ADAMTSL1: variants seen among roughly 807,000 people sequenced by gnomAD.
ADAMTSL1 encodes the protein ADAMTS like 1.
ADAMTSL1 carries 126 observed loss-of-function variants against 201.8 expected under a neutral mutation model. That is an observed-to-expected ratio of 0.62 (90% CI 0.54 to 0.72). ADAMTSL1 has a LOEUF of 0.72. Among genes scored for constraint, ADAMTSL1 ranks in the 30% least tolerant of loss-of-function variants. The probability of loss-of-function intolerance (pLI) is 0.00; values close to 1 mark genes in which losing one functional copy is unlikely to be tolerated. For synonymous variants in ADAMTSL1, 1,121 were observed against 903.4 expected (o/e 1.24, Z -4.32); for missense variants, 2,679 against 2,277.8 (o/e 1.18, Z -3.59).
chr9:17,914,360 G>A (rs1196710180), intron 1 of ADAMTSL1, among the ~76,000 whole-genome samples: 4 of 152,160 alleles, frequency 2.6e-5, no homozygotes, highest in African/African-American at 9.7e-5. Context: ...TGCAAGGCTG[G>A]TTCAATATAC....
At chr9:18,849,785 C>T (rs1588231760) in intron 23 of ADAMTSL1, among the ~76,000 whole-genome samples, 1 of 152,260 alleles carries the variant, frequency 6.6e-6, no homozygotes, top group East Asian at 1.9e-4. Context: ...AGAGAAAATG[C>T]TTTGCTATTA....
chr9:18,251,412 T>G (rs1219293366), intron 2 of ADAMTSL1, among the ~76,000 whole-genome samples: 1 of 152,072 alleles, frequency 6.6e-6, no homozygotes, highest in Non-Finnish European at 1.5e-5. Flanking sequence ...TTTCTAAACT[T>G]CAAAAGGACA....
chr9:18,543,705 CA>C (rs1189168374), intron 3 of ADAMTSL1, among the ~76,000 whole-genome samples: 5 of 152,146 alleles, frequency 3.3e-5, no homozygotes, highest in African/African-American at 9.7e-5. Context: ...AAGAAATAAA[CA>C]TTTTTTTAAT....
intron 2 of ADAMTSL1, among the ~76,000 whole-genome samples, chr9:18,411,277 G>A (rs1161398439): frequency 6.6e-6 from 1 of 151,592 alleles, no homozygotes; most frequent in African/African-American, 2.4e-5. Flanking sequence ...ACTCACTGCA[G>A]CATTCACATC....
intron 1 of ADAMTSL1, among the ~76,000 whole-genome samples, chr9:18,008,213 A>G (rs986757713): frequency 1.3e-5 from 2 of 151,956 alleles, no homozygotes; most frequent in Admixed American, 6.6e-5. Flanking sequence ...TCTACATGAG[A>G]TGTTTAACCA....
chr9:18,025,173 T>A (rs557354630), intron 1 of ADAMTSL1, among the ~76,000 whole-genome samples: 6 of 152,264 alleles, frequency 3.9e-5, no homozygotes, highest in African/African-American at 1.4e-4. Flanking sequence ...CTTTGTCAGA[T>A]GCCTACTTTG....
chr9:18,408,601 A>C (rs1818303057), intron 2 of ADAMTSL1, among the ~76,000 whole-genome samples: 1 of 152,248 alleles, frequency 6.6e-6, no homozygotes, highest in Non-Finnish European at 1.5e-5. Context: ...TTGCAGTCTA[A>C]TGGATGAGGC....
In ADAMTSL1 at chr9:18,450,276, C is replaced by T. The variant is rs200733403; in HGVS notation, c.208-54553C>T. Among the ~76,000 whole-genome samples, 7 of 152,062 alleles carry T rather than the reference C, an allele frequency of 4.6e-5. No homozygotes were observed. The East Asian group carries it at 7.7e-4, about 17-fold the overall frequency. On this transcript the variant is annotated intron_variant, in intron 2 of 29. Coordinates refer to the ADAMTSL1 transcript ENST00000680146. ...TATTCTATATCTTGATTGCTGTGGT[C>T]GTTACATGATTGTATACATTTGTCA... is the stretch of plus-strand genomic sequence containing the variant.
intron 7 of ADAMTSL1, among the ~76,000 whole-genome samples, chr9:18,649,023 A>C (rs889883292): frequency 6.6e-6 from 1 of 152,138 alleles, no homozygotes; most frequent in Non-Finnish European, 1.5e-5. Context: ...TTTCAGGTAC[A>C]CCAATCAGAC....
chr9:18,706,949 G>A lies in ADAMTSL1; in HGVS notation c.1777G>A (p.Asp593Asn), dbSNP rs755390883. ...CGGGGAAATTCCTGAGTTCAACCCA[G>A]ACGAGACAGATGGGCTCTTTGGTGG... ...CSGEIPEFNP[D>N]ETDGLFGGLQ... Residue 593 changes from aspartate (D) to asparagine (N), a missense_variant, in exon 14 of 29, where the codon GAC (aspartate) becomes AAC (asparagine). Coordinates refer to ENST00000380548, the MANE Select transcript of ADAMTSL1 (RefSeq NM_001040272.6). The A allele has an allele frequency of 1.2e-6, 2 of 1,614,014 alleles. No individual in the cohort carries two copies. Among genetic ancestry groups the A allele is most frequent in the East Asian group, 4.5e-5 (2 of 44,874 alleles).
chr9:18,889,731 G>A lies in ADAMTSL1; in HGVS notation c.4626G>A (p.Arg1542=). ...RPAVQPIACN[R]RDCPSRWMVT... ...CGGTGCAGCCCATCGCGTGCAACCGGAGAGACTGCCCTTCTCGGTGAGTGC... is the reference window on the plus strand; with the variant it reads ...CGGTGCAGCCCATCGCGTGCAACCGAAGAGACTGCCCTTCTCGGTGAGTGC... Residue 1542 remains arginine (R), a synonymous_variant, in exon 25 of 29, where the codon CGG becomes CGA. Coordinates refer to ENST00000380548, the MANE Select transcript of ADAMTSL1 (RefSeq NM_001040272.6). 6.6e-7 allele frequency: 1 copy of A among 1,511,934 alleles called. No individual in the cohort carries two copies. The highest frequency in any genetic ancestry group is 1.3e-5 in the South Asian group (1 of 77,176). The allele number at this position is 1,511,934 out of a possible 1,614,324, so 93.7% of individuals were successfully genotyped here.
At chr9:18,444,186 T>C (rs1272657205) in intron 2 of ADAMTSL1, among the ~76,000 whole-genome samples, 5 of 152,220 alleles carry the variant, frequency 3.3e-5, no homozygotes, top group African/African-American at 9.6e-5. Context: ...TTAGAATCTT[T>C]ATTTTTTTAG....
chr9:18,057,648 C>T (rs1010608700), intron 1 of ADAMTSL1, among the ~76,000 whole-genome samples: 1 of 152,160 alleles, frequency 6.6e-6, no homozygotes, highest in Non-Finnish European at 1.5e-5. Flanking sequence ...TCCTGCATCA[C>T]CCAGACCAGT....
intron 1 of ADAMTSL1, among the ~76,000 whole-genome samples, chr9:18,132,605 T>A (rs1825997961): frequency 6.6e-6 from 1 of 152,188 alleles, no homozygotes; most frequent in African/African-American, 2.4e-5. Context: ...CACTTCCAGA[T>A]TGTATCACAC....
intron 4 of ADAMTSL1, among the ~76,000 whole-genome samples, chr9:18,589,404 G>T (rs1823763834): frequency 6.6e-6 from 1 of 151,902 alleles, no homozygotes; most frequent in African/African-American, 2.4e-5. Context: ...AAAACACTAT[G>T]GATTTTTGTA....
intron 1 of ADAMTSL1, among the ~76,000 whole-genome samples, chr9:18,012,892 G>A (rs1467539954): frequency 6.6e-6 from 1 of 151,962 alleles, no homozygotes; most frequent in African/African-American, 2.4e-5. Flanking sequence ...CTCAGTAATG[G>A]CATTTGTAGA....
chr9:18,357,951 C>T (rs1294145480), intron 2 of ADAMTSL1, among the ~76,000 whole-genome samples: 1 of 152,156 alleles, frequency 6.6e-6, no homozygotes, highest in Non-Finnish European at 1.5e-5. Context: ...ATATATTTTA[C>T]TTTGTTGTTG....
chr9:18,113,952 G>A (rs545125819), intron 1 of ADAMTSL1, among the ~76,000 whole-genome samples: 34 of 152,082 alleles, frequency 2.2e-4, no homozygotes, highest in African/African-American at 8.0e-4. Context: ...GGGTAAAGCT[G>A]GGATTGCTCT....
chr9:18,596,010 G>A (rs1160102256), intron 4 of ADAMTSL1, among the ~76,000 whole-genome samples: 2 of 152,174 alleles, frequency 1.3e-5, no homozygotes, highest in Admixed American at 1.3e-4. Context: ...AATTGTTGTT[G>A]TGGGGGAATA....
Sources: allele counts gnomAD v4.1 joint callset (sites outside exome capture counted in the v4.1 genomes callset), GRCh38; gene constraint gnomAD v4.1.1; transcripts MANE v1.5; gene names NCBI Gene and HGNC (gene_info 2026-07-23, HGNC 2026-07-21).